SHROOM3: variants seen among roughly 807,000 people sequenced by gnomAD.
SHROOM3 encodes the protein protein Shroom3.
A neutral mutation model predicts 138.6 loss-of-function variants in SHROOM3; 47 were observed. The ratio of observed to expected loss-of-function variants is 0.34; its 90% CI spans 0.27 to 0.43. The LOEUF (loss-of-function observed/expected upper bound fraction) is 0.43. Among genes scored for constraint, SHROOM3 ranks in the 20% least tolerant of loss-of-function variants. SHROOM3 has a pLI of 1.00. For synonymous variants in SHROOM3, 1,062 were observed against 1,063.3 expected (o/e 1.00, Z 0.02); for missense variants, 2,491 against 2,596.5 (o/e 0.96, Z 0.88).
Position 76,570,717 on chromosome 4 carries a change from A to G in SHROOM3, c.323+14954A>G, listed in dbSNP as rs1324179393. 3.3e-5 allele frequency among the ~76,000 whole-genome samples: 5 copies of G among 152,330 alleles called. No homozygotes were observed. The East Asian group carries it at 9.6e-4, about 29-fold the overall frequency. On this transcript the variant is annotated intron_variant, in intron 2 of 10. Coordinates refer to ENST00000296043, the MANE Select transcript of SHROOM3 (RefSeq NM_020859.4). Reference sequence around the variant, plus strand: ...AAATTTAATTTTAGGCTCTTTCAAGAAAATGCTCAGAAAAGGCGAACTTAT... The same window carrying G: ...AAATTTAATTTTAGGCTCTTTCAAGGAAATGCTCAGAAAAGGCGAACTTAT...
chr4:76,529,675 C>T (rs1732790266), intron 1 of SHROOM3, among the ~76,000 whole-genome samples: 1 of 152,132 alleles, frequency 6.6e-6, no homozygotes, highest in African/African-American at 2.4e-5. Flanking sequence ...GCTCCAAGAT[C>T]CCCAAACCCA....
chr4:76,690,693 CT>C (rs10712744), intron 2 of SHROOM3, among the ~76,000 whole-genome samples: 8,452 of 151,490 alleles, frequency 0.056, 795 homozygotes, highest in African/African-American at 0.19. Flanking sequence ...TGATGGTTAC[CT>C]TTTTTTTTCT....
chr4:76,647,055 C>T (rs4859702), intron 2 of SHROOM3, among the ~76,000 whole-genome samples: 99,259 of 152,032 alleles, frequency 0.65, 32,965 homozygotes, highest in East Asian at 0.94. Context: ...TGTATATACA[C>T]ATAGTGGAAT....
intron 4 of SHROOM3, among the ~76,000 whole-genome samples, chr4:76,731,841 A>G (rs1355324611): frequency 2.0e-5 from 3 of 152,150 alleles, no homozygotes; most frequent in Non-Finnish European, 4.4e-5. Context: ...AGTTTGTCCA[A>G]GCTCAAACAA....
chr4:76,657,567 C>T (rs1282530838), intron 2 of SHROOM3, among the ~76,000 whole-genome samples: 1 of 152,172 alleles, frequency 6.6e-6, no homozygotes, highest in Non-Finnish European at 1.5e-5. Flanking sequence ...TAATTGCTTT[C>T]TTTTGGTTCA....
At chr4:76,750,238 A>G (rs1721575319) in intron 6 of SHROOM3, among the ~76,000 whole-genome samples, 1 of 152,176 alleles carries the variant, frequency 6.6e-6, no homozygotes, top group African/African-American at 2.4e-5. Context: ...AACTAACAAT[A>G]AACTAGAGTA....
intron 2 of SHROOM3, among the ~76,000 whole-genome samples, chr4:76,565,914 C>T (rs1272225710): frequency 5.3e-5 from 8 of 151,920 alleles, no homozygotes; most frequent in Non-Finnish European, 1.2e-4. Flanking sequence ...CCAGGTCTGC[C>T]TCCAGACCAG....
At chr4:76,665,238 A>G (rs539229955) in intron 2 of SHROOM3, among the ~76,000 whole-genome samples, 2 of 152,264 alleles carry the variant, frequency 1.3e-5, no homozygotes, top group South Asian at 4.2e-4. Context: ...AACCACCTCC[A>G]CTTGGCTGCA....
At position 76,740,160 on chromosome 4, in the gene SHROOM3, T is replaced by A. The variant is rs763744673; in HGVS notation, c.1987T>A (p.Ser663Thr). 10 of 1,613,816 alleles carry A rather than the reference T, an allele frequency of 6.2e-6. No homozygotes were observed. The South Asian group carries it at 1.1e-4, about 18-fold the overall frequency. The change falls in exon 5 of 11, where the codon TCA (serine) becomes ACA (threonine). Residue 663 changes from serine to threonine, a missense_variant. Ser to Thr is a moderately conservative substitution (Grantham distance 58). Around this residue, in one of 4 missense-constraint regions of SHROOM3, gnomAD observed 1,733 missense variants for 1,661.6 expected, o/e 1.04. Transcript: ENST00000296043. The surrounding 1 kb of genome is among the most constrained non-coding windows in gnomAD (Gnocchi z 4.0). Reference protein sequence around the residue: ...GNFGKTKSAFSSLQNIPESLR... With the variant: ...GNFGKTKSAFTSLQNIPESLR... The stretch of plus-strand genomic sequence containing the variant: ...CTTTGGCAAGACCAAGTCAGCCTTC[T>A]CATCTCTCCAGAACATTCCTGAGAG...
At chr4:76,756,327 T>C in intron 7 of SHROOM3, 122 bp from the exon 8 acceptor site, 2 of 1,173,818 alleles carry the variant, frequency 1.7e-6, no homozygotes, top group South Asian at 2.8e-5. Context: ...TGTGGAAAGC[T>C]ACAGCCCTGA....
At chr4:76,764,410 C>T (rs1015005462) in intron 9 of SHROOM3, among the ~76,000 whole-genome samples, 2 of 152,214 alleles carry the variant, frequency 1.3e-5, no homozygotes, top group African/African-American at 2.4e-5. Flanking sequence ...TCTATTGTTC[C>T]TCTGAGTCAG....
chr4:76,666,381 A>T (rs1011157545), intron 2 of SHROOM3, among the ~76,000 whole-genome samples: 1 of 151,998 alleles, frequency 6.6e-6, no homozygotes, highest in Non-Finnish European at 1.5e-5. Context: ...TGATCCTCCC[A>T]CCTCAGTCCC....
chr4:76,750,643 A>G (rs1186369380), intron 6 of SHROOM3, among the ~76,000 whole-genome samples: 1 of 152,158 alleles, frequency 6.6e-6, no homozygotes, highest in Non-Finnish European at 1.5e-5. Flanking sequence ...AAACCTGTAC[A>G]TGTACTCCTT....
chr4:76,773,417 CAG>C (rs2109795004), intron 10 of SHROOM3, among the ~76,000 whole-genome samples: 1 of 147,976 alleles, frequency 6.8e-6, no homozygotes, highest in South Asian at 2.2e-4. Context: ...TAGAAACTGA[CAG>C]AAAGTACATG....
intron 1 of SHROOM3, among the ~76,000 whole-genome samples, chr4:76,546,935 C>T (rs1233574125): frequency 1.3e-5 from 2 of 152,222 alleles, no homozygotes; most frequent in Non-Finnish European, 1.5e-5. Context: ...AGACTTCTAC[C>T]GGATGAGTTT....
chr4:76,659,100 C>T (rs1471978283), intron 2 of SHROOM3, among the ~76,000 whole-genome samples: 1 of 151,828 alleles, frequency 6.6e-6, no homozygotes, highest in African/African-American at 2.4e-5. Flanking sequence ...GGTTGGTCCT[C>T]TAGCATGAAA....
At chr4:76,556,434 C>G (rs1346509526) in intron 2 of SHROOM3, among the ~76,000 whole-genome samples, 2 of 152,116 alleles carry the variant, frequency 1.3e-5, no homozygotes, top group African/African-American at 4.8e-5. Context: ...CACATGAACC[C>G]CATGAGATAG....
chr4:76,618,209 G>A (rs1324325826), intron 2 of SHROOM3, among the ~76,000 whole-genome samples: 2 of 152,192 alleles, frequency 1.3e-5, no homozygotes, highest in Non-Finnish European at 2.9e-5. Context: ...GGAGGCTGAG[G>A]TGGAAGGATC....
At chr4:76,517,380 C>T (rs1355160706) in intron 1 of SHROOM3, among the ~76,000 whole-genome samples, 1 of 152,142 alleles carries the variant, frequency 6.6e-6, no homozygotes, top group Non-Finnish European at 1.5e-5. Flanking sequence ...CAGGTGGTAA[C>T]ACTGCATCGC....
Sources: gnomAD v4.1 joint callset for allele counts (sites outside exome capture counted in the v4.1 genomes callset) on GRCh38, gnomAD v4.1.1 for gene constraint, gnomAD v4.1.1 regional missense constraint, Gnocchi (gnomAD v3.1) non-coding constraint, MANE v1.5 for transcripts, NCBI Gene and HGNC (gene_info 2026-07-23, HGNC 2026-07-21) for gene names.